The following PAWR variants were observed in gnomAD, a reference collection of about 807,000 sequenced individuals.
The protein encoded by PAWR is pro-apoptotic WT1 regulator, also known as PRKC apoptosis WT1 regulator protein.
PAWR carries 23 observed loss-of-function variants against 32.0 expected under a neutral mutation model. That is an observed-to-expected ratio of 0.72 (90% CI 0.52 to 1.02). PAWR has a LOEUF of 1.02. PAWR is among the 50% of genes least tolerant of loss of function. PAWR has a pLI of 0.00. For synonymous variants in PAWR, 226 were observed against 187.1 expected (o/e 1.21, Z -1.70); for missense variants, 457 against 437.7 (o/e 1.04, Z -0.39).
intron 2 of PAWR, among the ~76,000 whole-genome samples, chr12:79,679,638 G>GTAT (rs796148368): frequency 4.7e-4 from 72 of 152,306 alleles, no homozygotes; most frequent in African/African-American, 1.7e-3. Context: ...TACGGCAGTA[G>GTAT]TATTAGCCTG....
chr12:79,653,033 GTTTT>G (rs569236046), intron 2 of PAWR, among the ~76,000 whole-genome samples: 2 of 152,006 alleles, frequency 1.3e-5, no homozygotes, highest in African/African-American at 2.4e-5. Flanking sequence ...TTTTGTGTTT[GTTTT>G]TTTATTTGTT....
chr12:79,589,496 T>C lies in PAWR; in HGVS notation c.*3111A>G, dbSNP rs560605663. 3.3e-5 allele frequency: 5 copies of C among 152,068 alleles called. No individual in the cohort carries two copies. Among genetic ancestry groups the C allele is most frequent in the African/African-American group, 1.2e-4 (5 of 41,520 alleles). The allele number at this position is 152,068 out of a possible 1,614,324, so 9.4% of individuals were successfully genotyped here. On this transcript the variant is annotated 3_prime_UTR_variant, in exon 7 of 7. Coordinates refer to ENST00000328827, the MANE Select transcript of PAWR (RefSeq NM_002583.4). The stretch of plus-strand genomic sequence containing the variant: ...TGAAGAAAAAAAAAAACTACATTGC[T>C]CCACATACCTGATACTTAATTTTCT...
chr12:79,604,681 T>G, intron 4 of PAWR: 1 of 1,288,780 alleles, frequency 7.8e-7, no homozygotes, highest in Non-Finnish European at 1.0e-6. Flanking sequence ...CTCCCACTCC[T>G]CGTAACAGCT....
At chr12:79,652,879 T>C (rs1405205218) in intron 2 of PAWR, among the ~76,000 whole-genome samples, 1 of 152,226 alleles carries the variant, frequency 6.6e-6, no homozygotes, top group Non-Finnish European at 1.5e-5. Context: ...TAAAATAATA[T>C]AGAACTTCAA....
intron 2 of PAWR, among the ~76,000 whole-genome samples, chr12:79,631,855 C>G (rs1875641553): frequency 6.6e-6 from 1 of 152,046 alleles, no homozygotes; most frequent in Non-Finnish European, 1.5e-5. Context: ...TCAAGTTGGA[C>G]AGGCACAGTG....
Position 79,675,619 on chromosome 12 carries a change from C to T in PAWR, c.516+14110G>A, listed in dbSNP as rs147111686. Among the ~76,000 whole-genome samples the T allele has an allele frequency of 4.1e-3, 624 of 152,216 alleles. 12 individuals are homozygous for T. The highest frequency in any genetic ancestry group is 0.014 in the African/African-American group (592 of 41,534). On this transcript the variant is annotated intron_variant, in intron 2 of 6. Coordinates refer to ENST00000328827, the MANE Select transcript of PAWR (RefSeq NM_002583.4). ...TGGAGCTAGAGGCCATTATCCTAAG[C>T]ACATTAATGCAGGAACAGAAAACCA...
intron 4 of PAWR, among the ~76,000 whole-genome samples, chr12:79,609,277 CA>C (rs1874330495): frequency 6.6e-6 from 1 of 152,112 alleles, no homozygotes; most frequent in African/African-American, 2.4e-5. Flanking sequence ...TGGTTGGCAG[CA>C]GAAGGGTTGC....
rs537323820 is a variant in PAWR at position 79,677,037 on chromosome 12, T to C, written c.516+12692A>G. ...AATCTTGTTTTTCTGAGTTAGATTA[T>C]AAAGTACTCAAGGACAAAATCAGAG... On this transcript the variant is annotated intron_variant, in intron 2 of 6. Coordinates refer to ENST00000328827, the MANE Select transcript of PAWR (RefSeq NM_002583.4). 4.5e-4 allele frequency among the ~76,000 whole-genome samples: 68 copies of C among 152,330 alleles called. 1 individual carries two copies. The highest frequency in any genetic ancestry group is 1.6e-3 in the African/African-American group (67 of 41,578).
intron 2 of PAWR, among the ~76,000 whole-genome samples, chr12:79,635,841 T>C (rs1377367721): frequency 3.9e-5 from 6 of 152,138 alleles, no homozygotes; most frequent in African/African-American, 1.4e-4. Context: ...ATCACCACAG[T>C]ATTTCACACT....
Position 79,644,911 on chromosome 12 carries a change from G to A in PAWR, c.517-23704C>T, listed in dbSNP as rs184252911. Among the ~76,000 whole-genome samples, 6 of 152,164 alleles carry A rather than the reference G, an allele frequency of 3.9e-5. No individual in the cohort carries two copies. In the East Asian group the frequency reaches 1.2e-3, roughly 29 times the overall value. The stretch of plus-strand genomic sequence containing the variant: ...AATTTTAGGTAATCTGTAGAATACT[G>A]ATGAACCCTAACTCAACAGTCCAGT... On this transcript the variant is annotated intron_variant, in intron 2 of 6. Coordinates refer to ENST00000328827, the MANE Select transcript of PAWR (RefSeq NM_002583.4).
Position 79,629,362 on chromosome 12 carries a change from C to T in PAWR, c.517-8155G>A, listed in dbSNP as rs144675488. Among the ~76,000 whole-genome samples the T allele has an allele frequency of 4.2e-3, 645 of 152,018 alleles. 5 individuals are homozygous for T. Among genetic ancestry groups the T allele is most frequent in the African/African-American group, 0.015 (623 of 41,486 alleles). ...GAAACAGTCTTATCGAAGTAGATTACACAATAAAGAATATTATCATGAATA... is the reference window on the plus strand; with the variant it reads ...GAAACAGTCTTATCGAAGTAGATTATACAATAAAGAATATTATCATGAATA... On this transcript the variant is annotated intron_variant, in intron 2 of 6. Transcript: ENST00000328827.
chr12:79,626,949 A>G (rs1592511531), intron 2 of PAWR, among the ~76,000 whole-genome samples: 1 of 152,168 alleles, frequency 6.6e-6, no homozygotes, highest in Non-Finnish European at 1.5e-5. Flanking sequence ...ATAGTATTCC[A>G]TGGTGTGTAT....
chr12:79,587,613 T>C lies in PAWR; in HGVS notation c.*4994A>G, dbSNP rs1873422484. On this transcript the variant is annotated 3_prime_UTR_variant, in exon 7 of 7. Coordinates refer to ENST00000328827, the MANE Select transcript of PAWR (RefSeq NM_002583.4). ...GTATTTAGACCTTAATATGATGGCT[T>C]TGAGTCTTAAATCATTGTCCACCTA... The C allele has an allele frequency of 6.6e-6, 1 of 152,016 alleles. No homozygotes were observed. Among genetic ancestry groups the C allele is most frequent in the Non-Finnish European group, 1.5e-5 (1 of 67,868 alleles). The allele number at this position is 152,016 out of a possible 1,614,324, so 9.4% of individuals were successfully genotyped here. A position where few individuals can be genotyped will look rare whatever the true frequency, so the allele number is the denominator to read the frequency against.
chr12:79,621,077 T>C lies in PAWR; in HGVS notation c.647A>G (p.Gln216Arg). The C allele has an allele frequency of 6.3e-7, 1 of 1,595,294 alleles. No homozygotes were observed. Among genetic ancestry groups the C allele is most frequent in the South Asian group, 1.1e-5 (1 of 87,802 alleles). Residue 216 changes from glutamine (Q) to arginine (R), a missense_variant and splice_region_variant, in exon 3 of 7, where the codon CAG becomes CGG. By Grantham distance (43) the Gln-to-Arg change is conservative (BLOSUM62 1). Transcript: ENST00000328827. The part of the protein sequence containing the change: ...LLDPGSSYLL[Q>R]EPPRTVSGRY... ...TTCCTGGTATTTTTAAATACTCACC[T>C]GTAGCAGATAGGAACTGCCTGGATC... is the stretch of plus-strand genomic sequence containing the variant.
At chr12:79,651,171 C>G (rs1239030446) in intron 2 of PAWR, among the ~76,000 whole-genome samples, 1 of 152,108 alleles carries the variant, frequency 6.6e-6, no homozygotes, top group Non-Finnish European at 1.5e-5. Context: ...AATGCATAAT[C>G]ACATAAATAA....
intron 2 of PAWR, among the ~76,000 whole-genome samples, chr12:79,631,137 A>T (rs1875604076): frequency 6.6e-6 from 1 of 152,162 alleles, no homozygotes; most frequent in Non-Finnish European, 1.5e-5. Flanking sequence ...CCACAAAAAA[A>T]TTCTTAGCAA....
chr12:79,595,243 C>T (rs1010251147), intron 5 of PAWR, among the ~76,000 whole-genome samples: 3 of 152,156 alleles, frequency 2.0e-5, no homozygotes, highest in African/African-American at 7.2e-5. Flanking sequence ...AAATAGATTA[C>T]TGATTTTTAA....
intron 2 of PAWR, among the ~76,000 whole-genome samples, chr12:79,673,375 T>G (rs1878007860): frequency 6.6e-6 from 1 of 152,160 alleles, no homozygotes; most frequent in Non-Finnish European, 1.5e-5. Flanking sequence ...GGCCCTAAAT[T>G]AATCATATTT....
chr12:79,673,305 G>C (rs811596), intron 2 of PAWR, among the ~76,000 whole-genome samples: 3 of 152,078 alleles, frequency 2.0e-5, no homozygotes, highest in African/African-American at 4.8e-5. Context: ...TCCTGACCTC[G>C]TGATCTGCCC....
Sources: allele counts gnomAD v4.1 joint callset (sites outside exome capture counted in the v4.1 genomes callset), GRCh38; gene constraint gnomAD v4.1.1; transcripts MANE v1.5; gene names NCBI Gene and HGNC (gene_info 2026-07-23, HGNC 2026-07-21).